The following F13A1 variants were observed in gnomAD, a reference collection of about 807,000 sequenced individuals.
F13A1 encodes the protein coagulation factor XIII A chain.
In F13A1, 47 loss-of-function variants were observed where a neutral mutation model predicts 80.1. The observed-to-expected ratio is 0.59, with a 90% CI of 0.46 to 0.75. The LOEUF is 0.75. Ranked by LOEUF, F13A1 falls within the 30% of genes least tolerant of loss-of-function variation. The probability of loss-of-function intolerance (pLI) is 0.00; values close to 1 mark genes in which losing one functional copy is unlikely to be tolerated. For missense variants in F13A1, 817 were observed against 930.4 expected (o/e 0.88, Z 1.59); for synonymous variants, 349 against 344.9 (o/e 1.01, Z -0.13).
chr6:6,212,855 G>C (rs1056498882), intron 8 of F13A1, among the ~76,000 whole-genome samples: 10 of 152,152 alleles, frequency 6.6e-5, no homozygotes, highest in Non-Finnish European at 1.3e-4. Flanking sequence ...GAGCTGAAAA[G>C]CAAGGCTCGA....
rs143382521 is a variant in F13A1 at position 6,222,050 on chromosome 6, G to A, written c.1095C>T (p.Leu365=). The A allele has an allele frequency of 2.0e-5, 32 of 1,613,870 alleles. No homozygotes were observed. The African/African-American group carries it at 3.6e-4, about 18-fold the overall frequency. ...LEEDGNVNSK[L]TKDSVWNYHC... is the part of the protein sequence containing the mutation. ...AAACTCACCACACTGAATCCTTGGT[G>A]AGTTTGGAATTCACGTTCCCATCTT... is the stretch of plus-strand genomic sequence containing the variant. Residue 365 remains leucine (L), a synonymous_variant, in exon 8 of 15, where the codon CTC becomes CTT. Coordinates refer to ENST00000264870, the MANE Select transcript of F13A1 (RefSeq NM_000129.4).
intron 3 of F13A1, among the ~76,000 whole-genome samples, chr6:6,287,587 G>T (rs1179593810): frequency 6.6e-6 from 1 of 152,132 alleles, no homozygotes; most frequent in Non-Finnish European, 1.5e-5. Context: ...AGTGCTCTGT[G>T]TGGCACCCTT....
chr6:6,276,206 C>T (rs1460155431), intron 3 of F13A1, among the ~76,000 whole-genome samples: 4 of 152,224 alleles, frequency 2.6e-5, no homozygotes, highest in South Asian at 2.1e-4. Flanking sequence ...CGCTCCTCTG[C>T]TCTCTGACTT....
chr6:6,174,557 G>T, intron 12 of F13A1, 23 bp downstream of exon 12: 5 of 1,613,738 alleles, frequency 3.1e-6, no homozygotes, highest in Non-Finnish European at 4.2e-6. Context: ...GTCTCAGAAA[G>T]AACCACACCA....
chr6:6,193,287 G>A (rs999850219), intron 10 of F13A1, among the ~76,000 whole-genome samples: 5 of 152,146 alleles, frequency 3.3e-5, no homozygotes, highest in Non-Finnish European at 7.4e-5. Context: ...CTAAAAAACA[G>A]TCAATGAACA....
At chr6:6,257,759 C>T (rs1345695698) in intron 4 of F13A1, among the ~76,000 whole-genome samples, 1 of 152,208 alleles carries the variant, frequency 6.6e-6, no homozygotes, top group Non-Finnish European at 1.5e-5. Flanking sequence ...TGCTGCATTA[C>T]AGCTCACACC....
At chr6:6,301,467 C>T (rs1758430009) in intron 3 of F13A1, among the ~76,000 whole-genome samples, 1 of 152,144 alleles carries the variant, frequency 6.6e-6, no homozygotes, top group South Asian at 2.1e-4. Flanking sequence ...ATACATGTGG[C>T]CCTGTAATGG....
intron 8 of F13A1, among the ~76,000 whole-genome samples, chr6:6,211,871 G>A (rs985717871): frequency 2.6e-5 from 4 of 152,348 alleles, no homozygotes; most frequent in South Asian, 2.1e-4. Context: ...CTCGGGAAGC[G>A]CAAGGGGTCA....
At chr6:6,151,732 C>A in intron 14 of F13A1, 81 bp downstream of exon 14, 2 of 1,581,584 alleles carry the variant, frequency 1.3e-6, no homozygotes, top group South Asian at 2.2e-5. Flanking sequence ...GGGAGCAGAT[C>A]TATGTTTGGA....
At chr6:6,154,469 G>A (rs1001060424) in intron 13 of F13A1, among the ~76,000 whole-genome samples, 14 of 152,304 alleles carry the variant, frequency 9.2e-5, no homozygotes, top group African/African-American at 3.4e-4. Flanking sequence ...TGCCAGGTAC[G>A]ATGTTAAGCA....
chr6:6,216,853 G>A (rs1185683292), intron 8 of F13A1, among the ~76,000 whole-genome samples: 19 of 147,454 alleles, frequency 1.3e-4, no homozygotes, highest in African/African-American at 3.3e-4. Flanking sequence ...CAACCCCATC[G>A]AAAAGTGGGC....
intron 14 of F13A1, among the ~76,000 whole-genome samples, chr6:6,149,816 A>G (rs536250506): frequency 6.6e-6 from 1 of 152,334 alleles, no homozygotes; most frequent in East Asian, 1.9e-4. Context: ...TGCAGTAACT[A>G]CTAACAGTAC....
chr6:6,311,468 A>G (rs2755416), intron 2 of F13A1, among the ~76,000 whole-genome samples: 109,327 of 149,800 alleles, frequency 0.73, 40,278 homozygotes, highest in East Asian at 0.86. Context: ...TGTTGATAAC[A>G]AAGGGTGAGA....
At chr6:6,317,236 C>T (rs1758698226) in intron 2 of F13A1, among the ~76,000 whole-genome samples, 1 of 152,172 alleles carries the variant, frequency 6.6e-6, no homozygotes, top group Non-Finnish European at 1.5e-5. Context: ...CAGTGAATAT[C>T]AACTGCTTAC....
Position 6,145,514 on chromosome 6 carries a change from G to T in F13A1, c.*105C>A. 1 of 1,445,630 alleles carries T rather than the reference G, an allele frequency of 6.9e-7. No individual in the cohort carries two copies. The highest frequency in any genetic ancestry group is 9.7e-7 in the Non-Finnish European group (1 of 1,029,952). 89.6% of individuals were successfully genotyped at this position (1,445,630 alleles called of 1,614,324 possible). On this transcript the variant is annotated 3_prime_UTR_variant, in exon 15 of 15. Transcript: ENST00000264870. ...CTGGAGCCCTCTGCAGTCCTGTCTG[G>T]GTCTTCACACCTAAGTCAAAGCAAG...
rs1760385518 is a variant in F13A1, at chr6:6,151,919, T to C, written c.1939A>G (p.Met647Val). The change falls in exon 14 of 15, where the codon ATG becomes GTG. Residue 647 changes from methionine (M) to valine (V), a missense_variant. Met to Val is a conservative substitution (Grantham distance 21). Transcript: ENST00000264870. ...TTGGTAAACTCAACTGTCACAGTCA[T>C]GTCAGAACCAACTACCTGAGTGCCA... ...VRGTQVVGSD[M>V]TVTVEFTNPL... is the part of the protein sequence containing the mutation. The C allele has an allele frequency of 6.2e-7, 1 of 1,614,092 alleles. No homozygotes were observed.
intron 6 of F13A1, among the ~76,000 whole-genome samples, chr6:6,246,187 A>G (rs1299529037): frequency 6.6e-6 from 1 of 152,208 alleles, no homozygotes; most frequent in African/African-American, 2.4e-5. Context: ...CAGAAATTTC[A>G]TGATAGATTT....
intron 12 of F13A1, among the ~76,000 whole-genome samples, chr6:6,167,932 T>C (rs1336589684): frequency 6.6e-6 from 1 of 152,180 alleles, no homozygotes; most frequent in Non-Finnish European, 1.5e-5. Flanking sequence ...GAAGGACCAA[T>C]GGGTTTTAAT....
chr6:6,267,185 G>C (rs1757857223), intron 3 of F13A1, among the ~76,000 whole-genome samples: 1 of 152,190 alleles, frequency 6.6e-6, no homozygotes, highest in Admixed American at 6.5e-5. Context: ...GTGCAATTCT[G>C]TGAGGATGCT....
Sources: allele counts gnomAD v4.1 joint callset (sites outside exome capture counted in the v4.1 genomes callset), GRCh38; gene constraint gnomAD v4.1.1; transcripts MANE v1.5; gene names NCBI Gene and HGNC (gene_info 2026-07-23, HGNC 2026-07-21).